The following DCUN1D5 variants were observed in gnomAD, a reference collection of about 807,000 sequenced individuals.
DCUN1D5 encodes the protein DCN1-like protein 5.
In DCUN1D5, 10 loss-of-function variants were observed where a neutral mutation model predicts 38.3. The ratio of observed to expected loss-of-function variants is 0.26; its 90% confidence interval spans 0.16 to 0.44. DCUN1D5 has a LOEUF of 0.44. Ranked by LOEUF, DCUN1D5 falls within the 20% of genes least tolerant of loss-of-function variation. DCUN1D5 has a pLI of 1.00. For missense variants in DCUN1D5, 148 were observed against 275.3 expected, an observed-to-expected ratio of 0.54 and a Z score of 3.27; for synonymous variants, 93 against 90.9, an observed-to-expected ratio of 1.02 and a Z score of -0.13.
rs1331047851 is a variant in DCUN1D5, at chr11:103,061,839, T to G, written c.*520A>C. On this transcript the variant is annotated 3_prime_UTR_variant, in exon 8 of 8. Coordinates refer to ENST00000260247, the MANE Select transcript of DCUN1D5 (RefSeq NM_032299.4). ...AAAGTAGGAGCATTTTTCCAATACC[T>G]AGAAATGTTTATTAGCTGCATCAGC... is the stretch of plus-strand genomic sequence containing the variant. 6.6e-6 allele frequency among the ~76,000 whole-genome samples: 1 copy of G among 152,080 alleles called. No individual in the cohort carries two copies. Among genetic ancestry groups the G allele is most frequent in the East Asian group, 1.9e-4 (1 of 5,196 alleles).
chr11:103,066,452 C>T lies in DCUN1D5; in HGVS notation c.450+7G>A. On this transcript the variant is annotated splice_region_variant and intron_variant, in intron 5 of 7. Transcript: ENST00000260247. This position sits in a 1 kb window ranked among gnomAD's most constrained non-coding sequence, Gnocchi z 4.7. ...TTAAAACAACAAAACAAGAAAATTG[C>T]ACCTACCCTTGCAAAATCAAAGGCA... 6.3e-7 allele frequency: 1 copy of T among 1,596,522 alleles called. No individual in the cohort carries two copies. Among genetic ancestry groups the T allele is most frequent in the South Asian group, 1.1e-5 (1 of 89,442 alleles).
At chr11:103,089,543 T>G (rs1862801078) in intron 1 of DCUN1D5, among the ~76,000 whole-genome samples, 1 of 152,176 alleles carries the variant, frequency 6.6e-6, no homozygotes, top group Admixed American at 6.5e-5. Context: ...TCACTCAGTA[T>G]CAAAATCCAA....
In DCUN1D5 at chr11:103,056,237, C is replaced by T. The variant is rs917739085; in HGVS notation, c.*6122G>A. Among the ~76,000 whole-genome samples the T allele has an allele frequency of 2.0e-5, 3 of 152,172 alleles. No homozygotes were observed. The highest frequency in any genetic ancestry group is 4.4e-5 in the Non-Finnish European group (3 of 68,034). ...CTACTCTTGAGAAAGGGCTATAATG[C>T]CCTACGTAATTACCTACAATCAGGC... On this transcript the variant is annotated 3_prime_UTR_variant, in exon 8 of 8. Transcript: ENST00000260247. The surrounding 1 kb of genome is among the most constrained non-coding windows in gnomAD (Gnocchi z 4.9).
At chr11:103,082,982 T>C (rs1003771794) in intron 3 of DCUN1D5, 143 bp from the exon 4 acceptor site, 2 of 671,528 alleles carry the variant, frequency 3.0e-6, no homozygotes, top group African/African-American at 1.8e-5. Flanking sequence ...ATTAACTATA[T>C]ACAAAGAAAT....
chr11:103,073,061 A>T lies in DCUN1D5; in HGVS notation c.342-6494T>A, dbSNP rs572428878. On this transcript the variant is annotated intron_variant, in intron 4 of 7. Transcript: ENST00000260247. This position sits in a 1 kb window ranked among gnomAD's most constrained non-coding sequence, Gnocchi z 4.2. ...CAAGGTCACAGGATACAAGATAAAC[A>T]TATAAAAATCAATTGTATTTCTATA... Among the ~76,000 whole-genome samples the T allele has an allele frequency of 1.3e-3, 192 of 152,344 alleles. No homozygotes were observed. The highest frequency in any genetic ancestry group is 1.4e-3 in the Non-Finnish European group (93 of 68,030).
intron 2 of DCUN1D5, among the ~76,000 whole-genome samples, chr11:103,085,481 A>G (rs1189921694): frequency 6.6e-6 from 1 of 152,158 alleles, no homozygotes; most frequent in East Asian, 1.9e-4. Flanking sequence ...TAGCCCCCCT[A>G]GAAACTGGAG....
chr11:103,069,993 C>G (rs1221023968), intron 4 of DCUN1D5, among the ~76,000 whole-genome samples: 1 of 151,984 alleles, frequency 6.6e-6, no homozygotes, highest in East Asian at 1.9e-4. Flanking sequence ...TCAATACTTG[C>G]AACCACCAAA....
rs1319617034 is a variant in DCUN1D5, at chr11:103,053,712, A to C, written c.*8647T>G. 2 of 151,094 alleles carry C rather than the reference A, an allele frequency of 1.3e-5. No homozygotes were observed. Among genetic ancestry groups the C allele is most frequent in the African/African-American group, 4.9e-5 (2 of 40,530 alleles). The allele number at this position is 151,094 out of a possible 1,614,324, so 9.4% of individuals were successfully genotyped here. A position where few individuals can be genotyped will look rare whatever the true frequency, so the allele number is the denominator to read the frequency against. On this transcript the variant is annotated 3_prime_UTR_variant, in exon 8 of 8. Coordinates refer to ENST00000260247, the MANE Select transcript of DCUN1D5 (RefSeq NM_032299.4). This position sits in a 1 kb window ranked among gnomAD's most constrained non-coding sequence, Gnocchi z 4.8. ...ATCAATGAATTTTAATTATATGAAT[A>C]TATCATATTATCACATGTACCCCCC...
At chr11:103,089,097 A>G (rs1193618407) in intron 2 of DCUN1D5, 130 bp downstream of exon 2, 3 of 744,192 alleles carry the variant, frequency 4.0e-6, no homozygotes, top group East Asian at 6.1e-5. Context: ...CACAATCTTC[A>G]GTCCTGACCC....
rs539097469 is a variant in DCUN1D5, at chr11:103,088,373, C to CA, written c.178+853dup. ...AAAAAAGCTTTAAAATCAATAACTC[C>CA]AAAAAAACAAAACTATTCTAAGGGG... On this transcript the variant is annotated intron_variant, in intron 2 of 7. Coordinates refer to ENST00000260247, the MANE Select transcript of DCUN1D5 (RefSeq NM_032299.4). Among the ~76,000 whole-genome samples the CA allele has an allele frequency of 1.1e-4, 17 of 151,806 alleles. No individual in the cohort carries two copies. In the South Asian group the frequency reaches 1.7e-3, roughly 15 times the overall value.
intron 4 of DCUN1D5, among the ~76,000 whole-genome samples, chr11:103,080,252 A>T (rs569317827): frequency 1.3e-5 from 2 of 152,328 alleles, no homozygotes; most frequent in African/African-American, 4.8e-5. Flanking sequence ...GCCCAGGTGA[A>T]ATCACAAAAG....
Position 103,077,437 on chromosome 11 carries a change from A to T in DCUN1D5, c.341+5311T>A, listed in dbSNP as rs1407169450. Among the ~76,000 whole-genome samples the T allele has an allele frequency of 1.3e-5, 2 of 152,260 alleles. No individual in the cohort carries two copies. The highest frequency in any genetic ancestry group is 2.9e-5 in the Non-Finnish European group (2 of 68,044). On this transcript the variant is annotated intron_variant, in intron 4 of 7. Coordinates refer to ENST00000260247, the MANE Select transcript of DCUN1D5 (RefSeq NM_032299.4). The surrounding 1 kb of genome is among the most constrained non-coding windows in gnomAD (Gnocchi z 4.3). The stretch of plus-strand genomic sequence containing the variant: ...CATACTTAACTAGCGTACTATGGAA[A>T]GCAAGAGATAGTTTTCCAAATAACA...
rs1861740357 is a variant in DCUN1D5 at position 103,051,604 on chromosome 11, T to C, written c.*10755A>G. 1 of 151,992 alleles carries C rather than the reference T, an allele frequency of 6.6e-6. No individual in the cohort carries two copies. Among genetic ancestry groups the C allele is most frequent in the Admixed American group, 6.6e-5 (1 of 15,256 alleles). 9.4% of individuals were successfully genotyped at this position (151,992 alleles called of 1,614,324 possible). ...TTTCATTAGTCAATATCATTTATTC[T>C]TTGTCATTAAACAAATATTTGGAAC... On this transcript the variant is annotated 3_prime_UTR_variant, in exon 8 of 8. Transcript: ENST00000260247.
Position 103,064,536 on chromosome 11 carries a change from T to C in DCUN1D5, c.556-159A>G, listed in dbSNP as rs958746007. 1.3e-5 allele frequency among the ~76,000 whole-genome samples: 2 copies of C among 152,204 alleles called. No individual in the cohort carries two copies. Among genetic ancestry groups the C allele is most frequent in the African/African-American group, 2.4e-5 (1 of 41,468 alleles). ...GTTTCTAAGAGATTCCTCATGGGCA[T>C]TTACATATTAACATAATCTATTTTT... On this transcript the variant is annotated intron_variant, in intron 6 of 7. Transcript: ENST00000260247. The surrounding 1 kb of genome is among the most constrained non-coding windows in gnomAD (Gnocchi z 4.5).
chr11:103,090,773 G>T (rs1037711485), intron 1 of DCUN1D5, among the ~76,000 whole-genome samples: 2 of 152,114 alleles, frequency 1.3e-5, no homozygotes, highest in African/African-American at 4.8e-5. Flanking sequence ...TTAGCAGGGC[G>T]TGGTGGCGGG....
rs1282425895 is a variant in DCUN1D5 at position 103,078,165 on chromosome 11, C to T, written c.341+4583G>A. Among the ~76,000 whole-genome samples, 2 of 152,184 alleles carry T rather than the reference C, an allele frequency of 1.3e-5. No individual in the cohort carries two copies. The highest frequency in any genetic ancestry group is 4.8e-5 in the African/African-American group (2 of 41,436). ...GCAGCTTAATTACTATCACTGTTGTCAGATGCTCTTGTCTTGTCCTTTTCA... is the reference window on the plus strand; with the variant it reads ...GCAGCTTAATTACTATCACTGTTGTTAGATGCTCTTGTCTTGTCCTTTTCA... On this transcript the variant is annotated intron_variant, in intron 4 of 7. Transcript: ENST00000260247. The surrounding 1 kb of genome is among the most constrained non-coding windows in gnomAD (Gnocchi z 4.6).
Position 103,083,396 on chromosome 11 carries a change from G to C in DCUN1D5, c.179-70C>G. 1 of 867,738 alleles carries C rather than the reference G, an allele frequency of 1.2e-6. No individual in the cohort carries two copies. The highest frequency in any genetic ancestry group is 1.9e-6 in the Non-Finnish European group (1 of 521,336). The allele number at this position is 867,738 out of a possible 1,614,324, so 53.8% of individuals were successfully genotyped here. A position where few individuals can be genotyped will look rare whatever the true frequency, so the allele number is the denominator to read the frequency against. On this transcript the variant is annotated intron_variant, in intron 2 of 7. Coordinates refer to ENST00000260247, the MANE Select transcript of DCUN1D5 (RefSeq NM_032299.4). This position sits in a 1 kb window ranked among gnomAD's most constrained non-coding sequence, Gnocchi z 4.4. ...ATAAAACATAAATCGTCATGCTAAA[G>C]GTACCCATGAACACACCATAATATT...
rs1220445143 is a variant in DCUN1D5, at chr11:103,066,537, T to C, written c.372A>G (p.Lys124=). The change falls in exon 5 of 8, where the codon AAA becomes AAG. Residue 124 remains lysine (K), a synonymous_variant. Transcript: ENST00000260247. The surrounding 1 kb of genome is among the most constrained non-coding windows in gnomAD (Gnocchi z 4.7). The part of the protein sequence containing the change: ...QCDCTEKLQN[K]FDFLRSQLND... ...TCAACTGTGAGCGCAAAAAGTCAAA[T>C]TTGTTTTGTAACTTTTCTGTGCAGT... The C allele has an allele frequency of 6.2e-7, 1 of 1,611,902 alleles. No homozygotes were observed. Among genetic ancestry groups the C allele is most frequent in the Non-Finnish European group, 8.5e-7 (1 of 1,178,594 alleles).
At chr11:103,068,644 G>A (rs61899748) in intron 4 of DCUN1D5, among the ~76,000 whole-genome samples, 13,537 of 152,060 alleles carry the variant, frequency 0.089, 790 homozygotes, top group Non-Finnish European at 0.12. Context: ...GTGAACTTAT[G>A]AACACAAAGA....
Sources: gnomAD v4.1 joint callset for allele counts (sites outside exome capture counted in the v4.1 genomes callset) on GRCh38, gnomAD v4.1.1 for gene constraint, Gnocchi (gnomAD v3.1) non-coding constraint, MANE v1.5 for transcripts, NCBI Gene and HGNC (gene_info 2026-07-23, HGNC 2026-07-21) for gene names.